Variants in MAST2 observed in about 807,000 individuals in gnomAD.
MAST2 encodes the protein microtubule associated serine/threonine kinase 2.
A neutral mutation model predicts 147.4 loss-of-function variants in MAST2; 70 were observed. That is an observed-to-expected ratio of 0.47 (90% CI 0.39 to 0.58). The LOEUF is 0.58. Among genes scored for constraint, MAST2 ranks in the 20% least tolerant of loss-of-function variants. MAST2 has a pLI of 0.00. For synonymous variants in MAST2, 869 were observed against 896.8 expected, an observed-to-expected ratio of 0.97 and a Z score of 0.55; for missense variants, 2,080 against 2,302.3, an observed-to-expected ratio of 0.90 and a Z score of 1.98.
chr1:45,823,270 A>G (rs1277621619), intron 1 of MAST2, among the ~76,000 whole-genome samples: 16 of 138,982 alleles, frequency 1.2e-4, no homozygotes, highest in African/African-American at 3.5e-4. Flanking sequence ...GGCTTTTAGT[A>G]TTGCTATGGT....
intron 10 of MAST2, among the ~76,000 whole-genome samples, chr1:46,013,631 G>A (rs1046756414): frequency 6.6e-6 from 1 of 150,872 alleles, no homozygotes; most frequent in Non-Finnish European, 1.5e-5. Context: ...GGTGAGCCAA[G>A]ATCATGCCAT....
intron 4 of MAST2, among the ~76,000 whole-genome samples, chr1:45,923,525 A>G (rs754800045): frequency 6.6e-6 from 1 of 152,210 alleles, no homozygotes; most frequent in Non-Finnish European, 1.5e-5. Flanking sequence ...GAGAGAGATT[A>G]TCATTGTACT....
chr1:45,807,315 A>C (rs931906794), intron 1 of MAST2, among the ~76,000 whole-genome samples: 8 of 151,966 alleles, frequency 5.3e-5, no homozygotes, highest in Admixed American at 2.0e-4. Context: ...CTCTGTCCTT[A>C]GCTTGATCCT....
intron 3 of MAST2, among the ~76,000 whole-genome samples, chr1:45,850,706 G>C (rs1010357418): frequency 6.6e-6 from 1 of 152,086 alleles, no homozygotes; most frequent in Non-Finnish European, 1.5e-5. Context: ...TTATTGAATA[G>C]AGTCCTCTCC....
chr1:45,804,195 G>GT (rs1644071840), intron 1 of MAST2, 123 bp downstream of exon 1: 5 of 1,186,620 alleles, frequency 4.2e-6, no homozygotes, highest in Non-Finnish European at 5.3e-6. Context: ...GCGGGGAGGA[G>GT]TGGGAGGTCT....
chr1:45,984,477 T>C (rs1049365278), intron 5 of MAST2, among the ~76,000 whole-genome samples: 3 of 151,840 alleles, frequency 2.0e-5, no homozygotes, highest in African/African-American at 7.3e-5. Flanking sequence ...TAATAATTTT[T>C]TAAATTTTTG....
At chr1:45,901,649 G>C (rs1429407828) in intron 4 of MAST2, among the ~76,000 whole-genome samples, 3 of 152,066 alleles carry the variant, frequency 2.0e-5, no homozygotes, top group East Asian at 3.9e-4. Flanking sequence ...TGTGTTGTCT[G>C]TGATTTCTTT....
chr1:45,963,983 T>G (rs1405662628), intron 5 of MAST2, among the ~76,000 whole-genome samples: 1 of 152,184 alleles, frequency 6.6e-6, no homozygotes, highest in African/African-American at 2.4e-5. Context: ...TCATGTGGTT[T>G]TTGTCTTTGG....
At chr1:45,994,840 ATTT>A (rs771828003) in intron 5 of MAST2, among the ~76,000 whole-genome samples, 1 of 139,318 alleles carries the variant, frequency 7.2e-6, no homozygotes, top group Non-Finnish European at 1.6e-5. Context: ...ATCTTCCATA[ATTT>A]TTTTTTTTTT....
At chr1:45,880,077 ATATC>A (rs1646777435) in intron 3 of MAST2, among the ~76,000 whole-genome samples, 1 of 152,228 alleles carries the variant, frequency 6.6e-6, no homozygotes, top group South Asian at 2.1e-4. Flanking sequence ...ATCTAAATAT[ATATC>A]TACCCTTTAA....
chr1:45,970,798 G>GTTTTTTTTTTTTTTTTTTTT (rs770669631), intron 5 of MAST2, among the ~76,000 whole-genome samples: 1 of 130,710 alleles, frequency 7.7e-6, no homozygotes, highest in African/African-American at 2.9e-5. Context: ...ACTAAGAAGT[G>GTTTTTTTTTTTTTTTTTTTT]TTTTTTTTTT....
At chr1:45,854,304 T>A (rs1284827615) in intron 3 of MAST2, among the ~76,000 whole-genome samples, 1 of 149,872 alleles carries the variant, frequency 6.7e-6, no homozygotes, top group East Asian at 2.0e-4. Flanking sequence ...ACCACTGTAC[T>A]GCAGCCTGGG....
intron 4 of MAST2, among the ~76,000 whole-genome samples, chr1:45,900,196 G>GAAAAAAGATTT (rs1649532428): frequency 8.7e-6 from 1 of 114,840 alleles, no homozygotes; most frequent in Admixed American, 9.0e-5. Flanking sequence ...AAAAAAAAAA[G>GAAAAAAGATTT]ATTTACCCTT....
intron 7 of MAST2, among the ~76,000 whole-genome samples, chr1:46,004,680 A>G (rs1162116399): frequency 6.6e-6 from 1 of 152,220 alleles, no homozygotes; most frequent in Non-Finnish European, 1.5e-5. Context: ...TATGAGAGAA[A>G]ATGTGCACTG....
intron 1 of MAST2, among the ~76,000 whole-genome samples, chr1:45,821,895 T>TTTTG (rs1644645361): frequency 7.1e-6 from 1 of 139,976 alleles, no homozygotes. Flanking sequence ...CTTTTTTTTT[T>TTTTG]TTTTTTTTTT....
intron 4 of MAST2, among the ~76,000 whole-genome samples, chr1:45,910,096 CT>C (rs1052223736): frequency 9.8e-4 from 144 of 146,224 alleles, no homozygotes; most frequent in African/African-American, 3.3e-3. Context: ...TGTGTAAGTA[CT>C]TTTTGTGTGC....
At chr1:45,928,293 T>C (rs985468200) in intron 4 of MAST2, among the ~76,000 whole-genome samples, 1 of 152,230 alleles carries the variant, frequency 6.6e-6, no homozygotes, top group Non-Finnish European at 1.5e-5. Context: ...AAAAATGTAA[T>C]CACAGTATTA....
chr1:46,006,558 A>G, intron 8 of MAST2, 163 bp downstream of exon 8: 1 of 490,434 alleles, frequency 2.0e-6, no homozygotes, highest in Non-Finnish European at 3.3e-6. Context: ...CTGTTGTAGT[A>G]TGAAAGTATC....
chr1:45,939,285 C>T (rs1238456236), intron 4 of MAST2, among the ~76,000 whole-genome samples: 1 of 152,074 alleles, frequency 6.6e-6, no homozygotes, highest in Non-Finnish European at 1.5e-5. Context: ...ACTATTGAAT[C>T]CTCTTGACAC....
Sources: allele counts gnomAD v4.1 joint callset (sites outside exome capture counted in the v4.1 genomes callset), GRCh38; gene constraint gnomAD v4.1.1; transcripts MANE v1.5; gene names NCBI Gene and HGNC (gene_info 2026-07-23, HGNC 2026-07-21).